RBFOX1: variants seen among roughly 807,000 people sequenced by gnomAD.
The protein encoded by RBFOX1 is RNA binding fox-1 homolog 1.
In RBFOX1, 8 loss-of-function variants were observed where a neutral mutation model predicts 57.7. That is an observed-to-expected ratio of 0.14 (90% CI 0.08 to 0.25). RBFOX1 has a LOEUF of 0.25. RBFOX1 is among the 10% of genes least tolerant of loss of function. The pLI is 1.00. For synonymous variants in RBFOX1, 326 were observed against 222.4 expected, an observed-to-expected ratio of 1.47 and a Z score of -4.15; for missense variants, 611 against 548.5, an observed-to-expected ratio of 1.11 and a Z score of -1.14.
At chr16:6,348,721 G>A (rs370926262) in intron 2 of RBFOX1, among the ~76,000 whole-genome samples, 8 of 152,004 alleles carry the variant, frequency 5.3e-5, no homozygotes, top group Non-Finnish European at 1.0e-4. Context: ...CGGATGTCCC[G>A]AGAACTCTCT....
At chr16:7,028,503 C>G (rs1222625479) in intron 3 of RBFOX1, among the ~76,000 whole-genome samples, 1 of 146,358 alleles carries the variant, frequency 6.8e-6, no homozygotes, top group East Asian at 2.1e-4. Flanking sequence ...AGGAGAATCG[C>G]TTGAACCCGG....
intron 12 of RBFOX1, among the ~76,000 whole-genome samples, chr16:7,660,986 G>A (rs564416945): frequency 2.6e-5 from 4 of 152,136 alleles, no homozygotes; most frequent in Non-Finnish European, 5.9e-5. Flanking sequence ...ATCTCATGGG[G>A]GTATTCTAAG....
chr16:6,619,498 T>G (rs8044140), intron 2 of RBFOX1, among the ~76,000 whole-genome samples: 1 of 151,944 alleles, frequency 6.6e-6, no homozygotes, highest in Non-Finnish European at 1.5e-5. Flanking sequence ...ATTAAACTTA[T>G]GCCTTTCTGC....
intron 3 of RBFOX1, among the ~76,000 whole-genome samples, chr16:6,989,627 C>T (rs1300804885): frequency 6.6e-6 from 1 of 152,130 alleles, no homozygotes; most frequent in Non-Finnish European, 1.5e-5. Context: ...GTTATCTCTG[C>T]AGACTGTCTG....
intron 1 of RBFOX1, among the ~76,000 whole-genome samples, chr16:6,250,548 T>G (rs77808996): frequency 0.13 from 19,353 of 152,154 alleles, 1,350 homozygotes; most frequent in Middle Eastern, 0.29. Context: ...TCTGTGGTAT[T>G]TCAACCAGGA....
At chr16:6,309,240 G>A (rs990329427) in intron 1 of RBFOX1, among the ~76,000 whole-genome samples, 1 of 152,082 alleles carries the variant, frequency 6.6e-6, no homozygotes, top group African/African-American at 2.4e-5. Flanking sequence ...ACTAAAAAGA[G>A]CCTCATTGCC....
intron 4 of RBFOX1, among the ~76,000 whole-genome samples, chr16:7,496,712 C>T (rs185311218): frequency 1.6e-3 from 210 of 132,086 alleles, no homozygotes; most frequent in Non-Finnish European, 2.9e-3. Flanking sequence ...TAAATTTGAC[C>T]ACTGCAGTGT....
chr16:6,626,618 G>A (rs2098311757), intron 2 of RBFOX1, among the ~76,000 whole-genome samples: 1 of 152,072 alleles, frequency 6.6e-6, no homozygotes, highest in African/African-American at 2.4e-5. Flanking sequence ...AAATTAGCTA[G>A]GTATGGTGGT....
At chr16:6,673,556 A>G (rs1037055267) in intron 3 of RBFOX1, among the ~76,000 whole-genome samples, 32 of 152,286 alleles carry the variant, frequency 2.1e-4, no homozygotes, top group African/African-American at 4.6e-4. Context: ...GTGAGCCTAC[A>G]TTGCGCCACT....
At chr16:5,410,904 A>G (rs2067003346) in intron 1 of RBFOX1, among the ~76,000 whole-genome samples, 1 of 152,176 alleles carries the variant, frequency 6.6e-6, no homozygotes. Context: ...AACCACTTGT[A>G]CTCTTTACAT....
intron 4 of RBFOX1, among the ~76,000 whole-genome samples, chr16:7,156,390 C>A (rs2077142858): frequency 6.6e-6 from 1 of 151,478 alleles, no homozygotes; most frequent in African/African-American, 2.4e-5. Context: ...CATATATGCA[C>A]ACATACATGT....
chr16:5,835,082 G>T lies in RBFOX1; in HGVS notation c.319-32221G>T, dbSNP rs934962011. ...AATCCTGCTTTTTGTGAAAGGAGGT[G>T]GGATGGCTCAACTTGACACATCTGT... On this transcript the variant is annotated intron_variant, in intron 3 of 19. Transcript: ENST00000641259. Among the ~76,000 whole-genome samples the T allele has an allele frequency of 3.9e-5, 6 of 152,278 alleles. No homozygotes were observed. The South Asian group carries it at 8.3e-4, about 21-fold the overall frequency.
chr16:5,752,485 C>A (rs72766925), intron 3 of RBFOX1, among the ~76,000 whole-genome samples: 1 of 152,146 alleles, frequency 6.6e-6, no homozygotes, highest in Non-Finnish European at 1.5e-5. Flanking sequence ...TAAAAGGGCT[C>A]CCCCTTGTTT....
At chr16:5,313,382 T>C (rs542304963) in intron 1 of RBFOX1, among the ~76,000 whole-genome samples, 5 of 152,208 alleles carry the variant, frequency 3.3e-5, no homozygotes, top group Admixed American at 6.5e-5. Flanking sequence ...GTGCCATTGC[T>C]GTGTCTTTGG....
At chr16:7,127,377 C>T (rs886270878) in intron 4 of RBFOX1, among the ~76,000 whole-genome samples, 1 of 152,138 alleles carries the variant, frequency 6.6e-6, no homozygotes, top group African/African-American at 2.4e-5. Context: ...TAAATAATAA[C>T]TTATTTGATA....
chr16:7,562,261 G>T (rs937075659), intron 5 of RBFOX1, among the ~76,000 whole-genome samples: 1 of 152,172 alleles, frequency 6.6e-6, no homozygotes, highest in Non-Finnish European at 1.5e-5. Context: ...AGCCTTGCTG[G>T]TGTCGTCCAA....
chr16:6,740,328 A>G (rs1207787082), intron 3 of RBFOX1, among the ~76,000 whole-genome samples: 3 of 152,224 alleles, frequency 2.0e-5, no homozygotes, highest in Admixed American at 2.0e-4. Context: ...CAAATGAATG[A>G]TTTCCCCTTA....
intron 3 of RBFOX1, 27 bp from the exon 4 acceptor site, chr16:7,052,030 T>G (rs1053485779): frequency 1.3e-6 from 2 of 1,564,146 alleles, no homozygotes; most frequent in Admixed American, 1.8e-5. Context: ...CTTCTGACTT[T>G]TCCCCTTCAT....
intron 1 of RBFOX1, among the ~76,000 whole-genome samples, chr16:6,155,464 AT>A (rs2096831888): frequency 6.6e-6 from 1 of 152,154 alleles, no homozygotes; most frequent in Non-Finnish European, 1.5e-5. Context: ...CGGAAGGTAG[AT>A]TTTCCCCCCG....
Sources: allele counts gnomAD v4.1 joint callset (sites outside exome capture counted in the v4.1 genomes callset), GRCh38; gene constraint gnomAD v4.1.1; transcripts MANE v1.5; gene names NCBI Gene and HGNC (gene_info 2026-07-23, HGNC 2026-07-21).